The following CDH13 variants were observed in gnomAD, a reference collection of about 807,000 sequenced individuals.
CDH13 encodes the protein cadherin 13.
Under a neutral mutation model 63.8 loss-of-function variants are expected in CDH13, and 24 were observed. That is an observed-to-expected ratio of 0.38 (90% CI 0.27 to 0.53). The LOEUF is 0.53. Among genes scored for constraint, CDH13 ranks in the 20% least tolerant of loss-of-function variants. The pLI is 0.85. For missense variants in CDH13, 1,049 were observed against 903.1 expected (o/e 1.16, Z -2.07); for synonymous variants, 503 against 355.3 (o/e 1.42, Z -4.67).
intron 10 of CDH13, among the ~76,000 whole-genome samples, chr16:83,711,993 T>C (rs1908129705): frequency 6.6e-6 from 1 of 152,228 alleles, no homozygotes; most frequent in South Asian, 2.1e-4. Context: ...CCTCTCTTCT[T>C]GGCTTGTAGA....
intron 7 of CDH13, among the ~76,000 whole-genome samples, chr16:83,511,522 C>G (rs1226821718): frequency 6.6e-6 from 1 of 151,782 alleles, no homozygotes. Flanking sequence ...CGCACATACA[C>G]CTACACATAC....
intron 13 of CDH13, among the ~76,000 whole-genome samples, chr16:83,793,783 G>C (rs558633742): frequency 5.4e-5 from 8 of 149,334 alleles, no homozygotes; most frequent in African/African-American, 9.9e-5. Flanking sequence ...ATGCACTCCA[G>C]CCTGAGCAAC....
chr16:83,566,720 C>T (rs1456540378), intron 7 of CDH13, among the ~76,000 whole-genome samples: 1 of 152,174 alleles, frequency 6.6e-6, no homozygotes, highest in Admixed American at 6.5e-5. Flanking sequence ...CAGCACTCTG[C>T]CTTCAGGGTT....
At chr16:82,721,924 A>G (rs183329223) in intron 1 of CDH13, among the ~76,000 whole-genome samples, 81 of 152,108 alleles carry the variant, frequency 5.3e-4, no homozygotes, top group African/African-American at 1.9e-3. Context: ...GAAGGACCTG[A>G]TGTGCTTTCC....
intron 6 of CDH13, among the ~76,000 whole-genome samples, chr16:83,370,668 C>G (rs186296847): frequency 6.6e-6 from 1 of 152,118 alleles, no homozygotes; most frequent in Non-Finnish European, 1.5e-5. Flanking sequence ...ATCCCTTCTT[C>G]GTGTTCTTGT....
At chr16:83,237,849 T>C (rs760709108) in intron 5 of CDH13, among the ~76,000 whole-genome samples, 2 of 152,236 alleles carry the variant, frequency 1.3e-5, no homozygotes, top group African/African-American at 4.8e-5. Flanking sequence ...TAATAAATAC[T>C]TGATAAACAT....
At chr16:83,684,408 A>T (rs1904283381) in intron 10 of CDH13, among the ~76,000 whole-genome samples, 1 of 152,224 alleles carries the variant, frequency 6.6e-6, no homozygotes, top group Non-Finnish European at 1.5e-5. Context: ...ATAATTATGC[A>T]AAATGGAAGT....
chr16:83,356,037 C>A (rs778160443), intron 6 of CDH13, among the ~76,000 whole-genome samples: 1 of 152,108 alleles, frequency 6.6e-6, no homozygotes, highest in Non-Finnish European at 1.5e-5. Context: ...AAGCTCAGAT[C>A]GAAACTCAGA....
At chr16:82,824,603 T>A (rs1377364892) in intron 1 of CDH13, 1 of 152,166 alleles carries the variant, frequency 6.6e-6, no homozygotes, top group African/African-American at 2.4e-5. Flanking sequence ...ATGTATCTAT[T>A]TATAGGAAAC....
At chr16:82,949,576 A>G (rs533001894) in intron 2 of CDH13, among the ~76,000 whole-genome samples, 1 of 152,146 alleles carries the variant, frequency 6.6e-6, no homozygotes, top group Admixed American at 6.6e-5. Context: ...TTTGTTTTTT[A>G]TAATGATCTT....
intron 1 of CDH13, among the ~76,000 whole-genome samples, chr16:82,821,480 A>G (rs1028999972): frequency 1.3e-5 from 2 of 152,174 alleles, no homozygotes; most frequent in African/African-American, 4.8e-5. Context: ...TCTAGATGCA[A>G]GAGATCTGCC....
At chr16:83,016,770 A>G (rs1164070395) in intron 2 of CDH13, among the ~76,000 whole-genome samples, 2 of 152,146 alleles carry the variant, frequency 1.3e-5, no homozygotes, top group African/African-American at 2.4e-5. Context: ...AGCATTCTAG[A>G]TATCCACAAG....
At chr16:83,085,516 C>T (rs2033536493) in intron 3 of CDH13, among the ~76,000 whole-genome samples, 1 of 152,164 alleles carries the variant, frequency 6.6e-6, no homozygotes, top group Non-Finnish European at 1.5e-5. Context: ...CATGCTTGTC[C>T]TCTTTGGAAT....
chr16:83,634,127 G>T (rs1567470904), intron 8 of CDH13, among the ~76,000 whole-genome samples: 1 of 107,562 alleles, frequency 9.3e-6, no homozygotes, highest in East Asian at 3.6e-4. Flanking sequence ...CTGTGTGTGT[G>T]TGTGTGTATG....
intron 3 of CDH13, among the ~76,000 whole-genome samples, chr16:83,076,935 C>T (rs1336215539): frequency 1.3e-5 from 2 of 151,438 alleles, no homozygotes; most frequent in Non-Finnish European, 3.0e-5. Flanking sequence ...ACTTTTGTGC[C>T]AACTGAATAC....
At chr16:83,006,924 G>GTTTTT (rs1286586839) in intron 2 of CDH13, among the ~76,000 whole-genome samples, 2 of 127,652 alleles carry the variant, frequency 1.6e-5, no homozygotes, top group Non-Finnish European at 3.5e-5. Context: ...TTGTTTGTTT[G>GTTTTT]TTTGTTTGTT....
chr16:83,117,294 C>T (rs1177759201), intron 3 of CDH13, among the ~76,000 whole-genome samples: 1 of 152,146 alleles, frequency 6.6e-6, no homozygotes, highest in Non-Finnish European at 1.5e-5. Flanking sequence ...TCACCTTGCC[C>T]ACGCCAGCAG....
chr16:83,534,687 T>C (rs1178714392), intron 7 of CDH13, among the ~76,000 whole-genome samples: 1 of 152,248 alleles, frequency 6.6e-6, no homozygotes, highest in African/African-American at 2.4e-5. Context: ...TATTCCACTG[T>C]ATGGATAGGC....
At chr16:83,697,796 C>T (rs1035938353) in intron 10 of CDH13, among the ~76,000 whole-genome samples, 12 of 152,162 alleles carry the variant, frequency 7.9e-5, no homozygotes, top group Non-Finnish European at 1.3e-4. Context: ...TACAGGCATG[C>T]GCCACCATGC....
Sources: allele counts gnomAD v4.1 joint callset (sites outside exome capture counted in the v4.1 genomes callset), GRCh38; gene constraint gnomAD v4.1.1; transcripts MANE v1.5; gene names NCBI Gene and HGNC (gene_info 2026-07-23, HGNC 2026-07-21).